Variants in PPP1R9A observed in about 807,000 individuals in gnomAD.
The protein encoded by PPP1R9A is protein phosphatase 1 regulatory subunit 9A, also known as neurabin-1.
In PPP1R9A, 59 loss-of-function variants were observed where a neutral mutation model predicts 141.9. The observed-to-expected ratio is 0.42, with a 90% CI of 0.34 to 0.52. The LOEUF (loss-of-function observed/expected upper bound fraction) is 0.52, where lower values mean the gene tolerates loss of function less well. Among genes scored for constraint, PPP1R9A ranks in the 20% least tolerant of loss-of-function variants. PPP1R9A has a pLI of 0.10. For missense variants in PPP1R9A, 1,444 were observed against 1,611.9 expected (o/e 0.90, Z 1.78); for synonymous variants, 500 against 569.7 (o/e 0.88, Z 1.74).
At chr7:94,926,669 T>C (rs1259409600) in intron 2 of PPP1R9A, among the ~76,000 whole-genome samples, 2 of 152,178 alleles carry the variant, frequency 1.3e-5, no homozygotes, top group Non-Finnish European at 2.9e-5. Flanking sequence ...AAATGTGGTT[T>C]CTTTTGTTTT....
At chr7:95,277,312 A>C (rs1803386441) in intron 16 of PPP1R9A, among the ~76,000 whole-genome samples, 1 of 152,252 alleles carries the variant, frequency 6.6e-6, no homozygotes, top group African/African-American at 2.4e-5. Context: ...CATGCGCGAC[A>C]TGAGACAACT....
At chr7:95,249,154 A>G (rs1281532499) in intron 9 of PPP1R9A, among the ~76,000 whole-genome samples, 1 of 152,158 alleles carries the variant, frequency 6.6e-6, no homozygotes, top group Non-Finnish European at 1.5e-5. Flanking sequence ...AAGCAGAAAA[A>G]CAAAAAGCTG....
At chr7:95,204,262 T>C (rs932449536) in intron 7 of PPP1R9A, among the ~76,000 whole-genome samples, 35 of 152,202 alleles carry the variant, frequency 2.3e-4, no homozygotes, top group African/African-American at 8.0e-4. Flanking sequence ...ATACTTTAAA[T>C]AATAAAATAA....
chr7:95,216,260 A>C (rs531183927), intron 7 of PPP1R9A, among the ~76,000 whole-genome samples: 1 of 152,294 alleles, frequency 6.6e-6, no homozygotes, highest in East Asian at 1.9e-4. Flanking sequence ...AGGTTTATCA[A>C]AGATCAGATG....
intron 14 of PPP1R9A, 127 bp from the exon 15 acceptor site, chr7:95,273,772 G>A (rs1286731993): frequency 1.1e-6 from 1 of 887,338 alleles, no homozygotes; most frequent in Non-Finnish European, 1.7e-6. Context: ...GTATAAGAAG[G>A]CATTGATTAT....
At chr7:95,022,342 A>T (rs1806105161) in intron 2 of PPP1R9A, among the ~76,000 whole-genome samples, 1 of 152,192 alleles carries the variant, frequency 6.6e-6, no homozygotes, top group Non-Finnish European at 1.5e-5. Flanking sequence ...GACTTTGCTC[A>T]AGTTGCTTAT....
rs140104919 is a variant in PPP1R9A, at chr7:95,085,070, A to G, written c.1396-26189A>G. ...CCTGTTTTTCCACATTCTCACCCAT[A>G]CTCGGCCTCTCCAATGGATGTAAAA... is the stretch of plus-strand genomic sequence containing the variant. On this transcript the variant is annotated intron_variant, in intron 2 of 19. Transcript: ENST00000433360. Among the ~76,000 whole-genome samples the G allele has an allele frequency of 9.5e-3, 1,436 of 151,926 alleles. 11 individuals are homozygous for G. The highest frequency in any genetic ancestry group is 0.012 in the Non-Finnish European group (814 of 67,990).
chr7:94,969,837 G>A (rs1044319371), intron 2 of PPP1R9A, among the ~76,000 whole-genome samples: 2 of 152,170 alleles, frequency 1.3e-5, no homozygotes, highest in African/African-American at 4.8e-5. Context: ...TTTTGGAGAT[G>A]CCCTGCCCAG....
chr7:95,051,202 G>T (rs373557143), intron 2 of PPP1R9A, among the ~76,000 whole-genome samples: 1 of 151,606 alleles, frequency 6.6e-6, no homozygotes, highest in Non-Finnish European at 1.5e-5. Flanking sequence ...CTTTCGAATA[G>T]GGATGTCCAG....
chr7:95,252,793 G>A (rs1001389796), intron 12 of PPP1R9A, among the ~76,000 whole-genome samples: 7 of 152,124 alleles, frequency 4.6e-5, no homozygotes, highest in Admixed American at 3.9e-4. Flanking sequence ...TAAGTCACTA[G>A]AATAAAGATC....
chr7:95,195,867 A>G (rs550179832), intron 5 of PPP1R9A, among the ~76,000 whole-genome samples: 13 of 152,204 alleles, frequency 8.5e-5, no homozygotes, highest in South Asian at 2.1e-4. Flanking sequence ...CCTGGGCAAA[A>G]CAATGAGATG....
intron 2 of PPP1R9A, among the ~76,000 whole-genome samples, chr7:94,950,589 G>A (rs1584355733): frequency 6.6e-6 from 1 of 151,866 alleles, no homozygotes; most frequent in Non-Finnish European, 1.5e-5. Context: ...TTAAAATAAT[G>A]AATTTTCCGG....
chr7:95,168,156 T>C (rs1831556016), intron 5 of PPP1R9A, among the ~76,000 whole-genome samples: 1 of 152,246 alleles, frequency 6.6e-6, no homozygotes, highest in South Asian at 2.1e-4. Flanking sequence ...CACAAGGCTT[T>C]AGTAACCAGA....
intron 12 of PPP1R9A, among the ~76,000 whole-genome samples, chr7:95,256,753 A>G (rs1165158331): frequency 6.6e-6 from 1 of 152,144 alleles, no homozygotes; most frequent in Non-Finnish European, 1.5e-5. Flanking sequence ...TGATTATTAG[A>G]TGTTATAAGA....
chr7:95,255,697 A>G (rs1467329924), intron 12 of PPP1R9A, among the ~76,000 whole-genome samples: 1 of 152,174 alleles, frequency 6.6e-6, no homozygotes, highest in African/African-American at 2.4e-5. Flanking sequence ...CTATGTAAGC[A>G]TCTCAAAAGA....
chr7:95,265,278 T>G (rs1055199113), intron 12 of PPP1R9A, among the ~76,000 whole-genome samples: 2 of 152,160 alleles, frequency 1.3e-5, no homozygotes, highest in African/African-American at 2.4e-5. Context: ...AGACTTGAGA[T>G]TGACCTTCCA....
intron 7 of PPP1R9A, among the ~76,000 whole-genome samples, chr7:95,215,252 G>T (rs1793093441): frequency 6.6e-6 from 1 of 151,734 alleles, no homozygotes; most frequent in South Asian, 2.1e-4. Context: ...ACAGTTTACT[G>T]AGAATGATGG....
At chr7:95,005,642 G>A (rs1243541493) in intron 2 of PPP1R9A, among the ~76,000 whole-genome samples, 2 of 152,106 alleles carry the variant, frequency 1.3e-5, no homozygotes, top group Non-Finnish European at 2.9e-5. Context: ...GCTCATTTTA[G>A]GATCATTTAT....
intron 2 of PPP1R9A, among the ~76,000 whole-genome samples, chr7:95,072,727 T>A (rs1218619752): frequency 5.4e-5 from 6 of 111,520 alleles, no homozygotes; most frequent in Non-Finnish European, 1.0e-4. Context: ...TATGTATATT[T>A]ATTACATATA....
Sources: allele counts gnomAD v4.1 joint callset (sites outside exome capture counted in the v4.1 genomes callset), GRCh38; gene constraint gnomAD v4.1.1; transcripts MANE v1.5; gene names NCBI Gene and HGNC (gene_info 2026-07-23, HGNC 2026-07-21).